UBE2E2: variants seen among roughly 807,000 people sequenced by gnomAD.
The protein encoded by UBE2E2 is ubiquitin conjugating enzyme E2 E2, also known as ubiquitin-conjugating enzyme E2 E2.
Under a neutral mutation model 24.7 loss-of-function variants are expected in UBE2E2, and 6 were observed. The observed-to-expected ratio is 0.24, with a 90% CI of 0.13 to 0.48. The LOEUF is 0.48. UBE2E2 is among the 20% of genes least tolerant of loss of function. The pLI is 0.99. For missense variants in UBE2E2, 169 were observed against 245.0 expected, an observed-to-expected ratio of 0.69 and a Z score of 2.07; for synonymous variants, 104 against 83.6, an observed-to-expected ratio of 1.24 and a Z score of -1.33.
intron 5 of UBE2E2, among the ~76,000 whole-genome samples, chr3:23,576,308 A>G (rs575906525): frequency 2.0e-4 from 30 of 152,312 alleles, no homozygotes; most frequent in South Asian, 2.1e-4. Flanking sequence ...GAAAAGAATA[A>G]CATTAATCAA....
intron 3 of UBE2E2, among the ~76,000 whole-genome samples, chr3:23,484,700 C>T (rs1014482765): frequency 6.6e-6 from 1 of 152,200 alleles, no homozygotes; most frequent in Non-Finnish European, 1.5e-5. Context: ...CACAGCTTCA[C>T]ATGGCTGGGA....
At chr3:23,266,745 A>G (rs1698060292) in intron 3 of UBE2E2, among the ~76,000 whole-genome samples, 1 of 152,192 alleles carries the variant, frequency 6.6e-6, no homozygotes, top group Admixed American at 6.5e-5. Context: ...AATCAACAGA[A>G]TATACATTCT....
At chr3:23,296,644 T>C (rs1275675513) in intron 3 of UBE2E2, among the ~76,000 whole-genome samples, 1 of 152,248 alleles carries the variant, frequency 6.6e-6, no homozygotes, top group East Asian at 1.9e-4. Context: ...GAACTCATCC[T>C]TTTTTATGGC....
intron 3 of UBE2E2, among the ~76,000 whole-genome samples, chr3:23,413,479 C>T (rs1234854697): frequency 6.6e-6 from 1 of 152,132 alleles, no homozygotes; most frequent in Non-Finnish European, 1.5e-5. Flanking sequence ...CTGCCTTTCC[C>T]TGCAGTGCCC....
chr3:23,461,570 C>T (rs1437468421), intron 3 of UBE2E2, among the ~76,000 whole-genome samples: 4 of 151,848 alleles, frequency 2.6e-5, no homozygotes. Context: ...CCATTGTTCT[C>T]CCAGCAATTT....
chr3:23,527,443 T>C (rs1695025636), intron 4 of UBE2E2, among the ~76,000 whole-genome samples: 1 of 152,214 alleles, frequency 6.6e-6, no homozygotes, highest in African/African-American at 2.4e-5. Flanking sequence ...AAATATATAC[T>C]ATTTGGTCCT....
intron 3 of UBE2E2, among the ~76,000 whole-genome samples, chr3:23,372,268 A>C (rs1010858329): frequency 2.0e-5 from 3 of 152,202 alleles, no homozygotes; most frequent in Non-Finnish European, 4.4e-5. Context: ...ATTTTTAAAA[A>C]ATTTCTGTTT....
chr3:23,403,194 T>G (rs1187243502), intron 3 of UBE2E2, among the ~76,000 whole-genome samples: 1 of 152,258 alleles, frequency 6.6e-6, no homozygotes, highest in South Asian at 2.1e-4. Flanking sequence ...CCACTAGTAC[T>G]TTGCAATACT....
chr3:23,343,263 ATATG>A (rs1695452034), intron 3 of UBE2E2, among the ~76,000 whole-genome samples: 1 of 152,112 alleles, frequency 6.6e-6, no homozygotes, highest in Admixed American at 6.5e-5. Flanking sequence ...GCAAGACTGA[ATATG>A]TAGTATATTC....
intron 3 of UBE2E2, among the ~76,000 whole-genome samples, chr3:23,458,669 G>C (rs930648565): frequency 1.3e-5 from 2 of 151,946 alleles, no homozygotes; most frequent in South Asian, 4.2e-4. Context: ...CGCCCACCTC[G>C]GCCTCCCAAA....
At chr3:23,310,871 T>G (rs1337864889) in intron 3 of UBE2E2, among the ~76,000 whole-genome samples, 1 of 152,188 alleles carries the variant, frequency 6.6e-6, no homozygotes, top group Non-Finnish European at 1.5e-5. Flanking sequence ...TGATTTTTTT[T>G]TAATACTTTC....
At chr3:23,534,240 C>T (rs538728193) in intron 5 of UBE2E2, 1 of 978,030 alleles carries the variant, frequency 1.0e-6, no homozygotes, top group East Asian at 1.2e-4. Context: ...ACAGCCTGTT[C>T]TCTCTACAGA....
intron 3 of UBE2E2, among the ~76,000 whole-genome samples, chr3:23,497,238 C>G (rs1559402880): frequency 6.6e-6 from 1 of 152,148 alleles, no homozygotes; most frequent in East Asian, 1.9e-4. Flanking sequence ...CTTCCAGAAT[C>G]ACTAGTGGCC....
At chr3:23,222,560 T>G (rs1299775950) in intron 3 of UBE2E2, among the ~76,000 whole-genome samples, 2 of 152,202 alleles carry the variant, frequency 1.3e-5, no homozygotes, top group African/African-American at 4.8e-5. Flanking sequence ...TTGGCTCTCA[T>G]TCTTCTCTTG....
chr3:23,220,706 G>A (rs2055156), intron 3 of UBE2E2, among the ~76,000 whole-genome samples: 24,149 of 152,162 alleles, frequency 0.16, 2,032 homozygotes, highest in South Asian at 0.25. Flanking sequence ...AGAATTGCTC[G>A]TTACCTTGGT....
chr3:23,532,737 G>C, intron 5 of UBE2E2, 36 bp downstream of exon 5: 1 of 1,473,020 alleles, frequency 6.8e-7, no homozygotes, highest in Non-Finnish European at 9.2e-7. Context: ...ATTGGAGCTT[G>C]TCAAGATTTA....
chr3:23,279,031 G>A (rs1337941774), intron 3 of UBE2E2, among the ~76,000 whole-genome samples: 2 of 151,950 alleles, frequency 1.3e-5, no homozygotes, highest in South Asian at 2.1e-4. Flanking sequence ...TACTGATGAG[G>A]TCTTGAGTCA....
chr3:23,590,453 A>G lies in UBE2E2; in HGVS notation c.*622A>G, dbSNP rs151056388. Reference sequence around the variant, plus strand: ...AGAAGACTGTTGGATTGAACAAAATAATATGTATTTTGATTTACTTAAAGT... The same window carrying G: ...AGAAGACTGTTGGATTGAACAAAATGATATGTATTTTGATTTACTTAAAGT... On this transcript the variant is annotated 3_prime_UTR_variant, in exon 6 of 6. Coordinates refer to ENST00000396703, the MANE Select transcript of UBE2E2 (RefSeq NM_152653.4). 7 of 152,752 alleles carry G rather than the reference A, an allele frequency of 4.6e-5. No homozygotes were observed. Among genetic ancestry groups the G allele is most frequent in the Admixed American group, 6.5e-5 (1 of 15,308 alleles). The allele number at this position is 152,752 out of a possible 1,614,324, so 9.5% of individuals were successfully genotyped here. A position where few individuals can be genotyped will look rare whatever the true frequency, so the allele number is the denominator to read the frequency against.
chr3:23,393,594 G>A (rs1697004730), intron 3 of UBE2E2, among the ~76,000 whole-genome samples: 1 of 152,136 alleles, frequency 6.6e-6, no homozygotes, highest in African/African-American at 2.4e-5. Flanking sequence ...TGTTTTAGAG[G>A]CACGGTGGAA....
Sources: gnomAD v4.1 joint callset for allele counts (sites outside exome capture counted in the v4.1 genomes callset) on GRCh38, gnomAD v4.1.1 for gene constraint, MANE v1.5 for transcripts, NCBI Gene and HGNC (gene_info 2026-07-23, HGNC 2026-07-21) for gene names.